PSD3: variants seen among roughly 807,000 people sequenced by gnomAD.
PSD3 encodes the protein pleckstrin and Sec7 domain containing 3, also known as PH and SEC7 domain-containing protein 3.
Under a neutral mutation model 105.5 loss-of-function variants are expected in PSD3, and 49 were observed. The ratio of observed to expected loss-of-function variants is 0.46; its 90% CI spans 0.37 to 0.59. The LOEUF is 0.59. Ranked by LOEUF, PSD3 falls within the 20% of genes least tolerant of loss-of-function variation. The pLI, the probability that PSD3 is intolerant of heterozygous loss-of-function variation, is 0.00. For missense variants in PSD3, 1,561 were observed against 1,263.8 expected, an observed-to-expected ratio of 1.24 and a Z score of -3.57; for synonymous variants, 557 against 457.8, an observed-to-expected ratio of 1.22 and a Z score of -2.77.
At chr8:18,894,335 T>A (rs908064095) in intron 2 of PSD3, among the ~76,000 whole-genome samples, 2 of 152,162 alleles carry the variant, frequency 1.3e-5, no homozygotes, top group African/African-American at 4.8e-5. Context: ...AAGCGGCACA[T>A]GAAAACCTCA....
intron 11 of PSD3, among the ~76,000 whole-genome samples, chr8:18,627,875 G>A: frequency 6.6e-6 from 1 of 151,424 alleles, no homozygotes; most frequent in East Asian, 1.9e-4. Context: ...AGAAACGACA[G>A]AAAGGAAGGT....
Position 18,622,500 on chromosome 8 carries a change from G to A in PSD3, c.2410+10113C>T, listed in dbSNP as rs372288585. On this transcript the variant is annotated intron_variant, in intron 11 of 15. Transcript: ENST00000327040. ...TCCATCTTCCCAATATACTTACATA[G>A]CTTTTATTTGTATCTGTATTGATTA... 2.6e-5 allele frequency among the ~76,000 whole-genome samples: 4 copies of A among 151,974 alleles called. No homozygotes were observed. In the East Asian group the frequency reaches 5.8e-4, roughly 22 times the overall value.
chr8:18,995,979 C>G (rs919148), intron 1 of PSD3, among the ~76,000 whole-genome samples: 151,498 of 152,034 alleles, frequency 1, 75,487 homozygotes, highest in Middle Eastern at 1. Flanking sequence ...GCTTGTTAAA[C>G]ATGCAGATCT....
chr8:18,838,802 AAATAAT>A (rs55792203), intron 4 of PSD3, among the ~76,000 whole-genome samples: 21,989 of 131,720 alleles, frequency 0.17, 1,982 homozygotes, highest in East Asian at 0.36. Context: ...ACTCCGTCTC[AAATAAT>A]AATAATAATA....
At chr8:18,897,681 C>A (rs1475722674) in intron 2 of PSD3, among the ~76,000 whole-genome samples, 1 of 152,168 alleles carries the variant, frequency 6.6e-6, no homozygotes, top group Non-Finnish European at 1.5e-5. Context: ...CAATTTCTTA[C>A]ATCAGTGTTT....
chr8:18,802,092 A>G (rs1455815874), intron 6 of PSD3, among the ~76,000 whole-genome samples: 2 of 152,186 alleles, frequency 1.3e-5, no homozygotes, highest in African/African-American at 2.4e-5. Context: ...GCCACTATGG[A>G]TTGCATTGCT....
At chr8:18,779,275 TGTGGGATATAA>T (rs1279508896) in intron 8 of PSD3, among the ~76,000 whole-genome samples, 1 of 152,190 alleles carries the variant, frequency 6.6e-6, no homozygotes, top group African/African-American at 2.4e-5. Context: ...CTTCTATTTT[TGTGGGATATAA>T]GTTTTACTGT....
chr8:19,053,868 T>A (rs1828613656), intron 1 of PSD3, among the ~76,000 whole-genome samples: 1 of 152,252 alleles, frequency 6.6e-6, no homozygotes, highest in Non-Finnish European at 1.5e-5. Flanking sequence ...CAATAATTAT[T>A]TGTACAAATG....
chr8:18,684,774 T>C (rs1049184977), intron 9 of PSD3, among the ~76,000 whole-genome samples: 2 of 152,176 alleles, frequency 1.3e-5, no homozygotes, highest in Admixed American at 6.5e-5. Flanking sequence ...ACTTTCAATA[T>C]GGCACAGAGT....
intron 8 of PSD3, among the ~76,000 whole-genome samples, chr8:18,785,022 G>A (rs1479078543): frequency 1.3e-5 from 2 of 152,048 alleles, no homozygotes; most frequent in African/African-American, 4.8e-5. Flanking sequence ...TCCCCTTGCT[G>A]AGCTTATCTA....
At chr8:18,680,305 A>C (rs1800309939) in intron 9 of PSD3, among the ~76,000 whole-genome samples, 1 of 152,158 alleles carries the variant, frequency 6.6e-6, no homozygotes, top group South Asian at 2.1e-4. Context: ...AGGGTACCCG[A>C]ATACCCGGGG....
rs1464557696 is a variant in PSD3 at position 18,872,404 on chromosome 8, T to C, written c.460A>G (p.Lys154Glu). 3 of 1,614,072 alleles carry C rather than the reference T, an allele frequency of 1.9e-6. No individual in the cohort carries two copies. Among genetic ancestry groups the C allele is most frequent in the Admixed American group, 3.3e-5 (2 of 60,004 alleles). Residue 154 changes from lysine to glutamate, a missense_variant, in exon 3 of 16, where the codon AAG (lysine) becomes GAG (glutamate). Coordinates refer to ENST00000327040, the MANE Select transcript of PSD3 (RefSeq NM_015310.4). ...GAAACAGCATCTTGGTCCAGTACCT[T>C]TGTAGCCTGTAATGTTCCGGAAATG... ...RIISGTLQAT[K>E]VLDQDAVSSF...
chr8:18,793,098 T>G (rs1435362760), intron 8 of PSD3, among the ~76,000 whole-genome samples: 1 of 152,080 alleles, frequency 6.6e-6, no homozygotes, highest in Non-Finnish European at 1.5e-5. Context: ...CACCGCATGT[T>G]CTCACTCATA....
chr8:18,568,862 C>T (rs1202531321), intron 14 of PSD3, among the ~76,000 whole-genome samples: 4 of 151,158 alleles, frequency 2.6e-5, no homozygotes, highest in African/African-American at 9.7e-5. Flanking sequence ...CCCACTCCCC[C>T]GACCCCACAA....
At chr8:19,069,584 T>G (rs1209101125) in intron 1 of PSD3, among the ~76,000 whole-genome samples, 1 of 152,206 alleles carries the variant, frequency 6.6e-6, no homozygotes, top group South Asian at 2.1e-4. Context: ...TTGAAAGGGA[T>G]AGGGTCATCA....
At chr8:18,632,877 G>T (rs1807002329) in intron 10 of PSD3, 71 bp from the exon 11 acceptor site, 11 of 1,203,104 alleles carry the variant, frequency 9.1e-6, no homozygotes, top group Non-Finnish European at 1.1e-5. Context: ...GTAAGTTATT[G>T]TAAAAAACTA....
chr8:18,588,747 T>C (rs921101154), intron 12 of PSD3, among the ~76,000 whole-genome samples: 1 of 152,206 alleles, frequency 6.6e-6, no homozygotes, highest in African/African-American at 2.4e-5. Flanking sequence ...AGTTGTTCCC[T>C]TGTCAATACT....
chr8:18,579,267 T>C (rs1246550025), intron 12 of PSD3, among the ~76,000 whole-genome samples: 5 of 152,098 alleles, frequency 3.3e-5, no homozygotes, highest in Admixed American at 3.3e-4. Flanking sequence ...AATGGTAGAA[T>C]TGGGCAGGAA....
chr8:19,025,406 C>T (rs1257088881), intron 1 of PSD3, among the ~76,000 whole-genome samples: 7 of 152,356 alleles, frequency 4.6e-5, no homozygotes, highest in African/African-American at 1.7e-4. Flanking sequence ...CACACTCACA[C>T]TCCCCTTTCT....
Sources: allele counts gnomAD v4.1 joint callset (sites outside exome capture counted in the v4.1 genomes callset), GRCh38; gene constraint gnomAD v4.1.1; transcripts MANE v1.5; gene names NCBI Gene and HGNC (gene_info 2026-07-23, HGNC 2026-07-21).